Variants in FRMD4A observed in about 807,000 individuals in gnomAD.
FRMD4A encodes FERM domain-containing protein 4A.
FRMD4A carries 29 observed loss-of-function variants against 129.1 expected under a neutral mutation model. The ratio of observed to expected loss-of-function variants is 0.22; its 90% confidence interval spans 0.17 to 0.31. The LOEUF is 0.31. Among genes scored for constraint, FRMD4A ranks in the 10% least tolerant of loss-of-function variants. The pLI, the probability that FRMD4A is intolerant of heterozygous loss-of-function variation, is 1.00. For synonymous variants in FRMD4A, 634 were observed against 571.6 expected (o/e 1.11, Z -1.56); for missense variants, 1,272 against 1,375.8 (o/e 0.92, Z 1.19).
chr10:13,853,346 A>G (rs1183900682), intron 3 of FRMD4A, among the ~76,000 whole-genome samples: 1 of 152,210 alleles, frequency 6.6e-6, no homozygotes, highest in Non-Finnish European at 1.5e-5. Context: ...CTGGAGTTGG[A>G]GACCAGCCTG....
chr10:13,756,490 T>A (rs2091867570), intron 8 of FRMD4A, among the ~76,000 whole-genome samples: 2 of 152,162 alleles, frequency 1.3e-5, no homozygotes, highest in Admixed American at 1.3e-4. Context: ...GCCTCCCAAG[T>A]AGCTGGGACT....
intron 2 of FRMD4A, among the ~76,000 whole-genome samples, chr10:14,198,972 T>C (rs1842551795): frequency 6.6e-6 from 1 of 152,224 alleles, no homozygotes; most frequent in Admixed American, 6.5e-5. Flanking sequence ...TTTAAATGCT[T>C]AGTACATGAT....
intron 2 of FRMD4A, among the ~76,000 whole-genome samples, chr10:14,189,325 G>C (rs1409044912): frequency 6.6e-6 from 1 of 152,170 alleles, no homozygotes; most frequent in African/African-American, 2.4e-5. Flanking sequence ...TGTAATCCCA[G>C]CACTTTGGGA....
In FRMD4A at chr10:14,145,760, G is replaced by A. The variant is rs1295431348; in HGVS notation, c.45+184298C>T. ...TTGTGCTGCCTAGACCCAGAAGACA[G>A]GATCTTAATTTCTCACTATGCTGCC... On this transcript the variant is annotated intron_variant, in intron 2 of 24. Transcript: ENST00000357447. Among the ~76,000 whole-genome samples the A allele has an allele frequency of 3.3e-5, 5 of 152,140 alleles. 1 individual carries two copies. The highest frequency in any genetic ancestry group is 4.4e-5 in the Non-Finnish European group (3 of 68,030).
chr10:13,784,039 C>T (rs1170957044), intron 5 of FRMD4A, among the ~76,000 whole-genome samples: 3 of 152,076 alleles, frequency 2.0e-5, no homozygotes, highest in Non-Finnish European at 4.4e-5. Context: ...TGAAATGCAA[C>T]ATCTTGGAGG....
At chr10:14,145,463 T>C (rs909408929) in intron 2 of FRMD4A, among the ~76,000 whole-genome samples, 5 of 152,220 alleles carry the variant, frequency 3.3e-5, no homozygotes, top group African/African-American at 1.2e-4. Context: ...TGACCGCATA[T>C]GTCCAGAAGA....
intron 2 of FRMD4A, among the ~76,000 whole-genome samples, chr10:14,269,951 G>A (rs1361960782): frequency 6.6e-6 from 1 of 152,196 alleles, no homozygotes; most frequent in Non-Finnish European, 1.5e-5. Flanking sequence ...TGTCCTCAGT[G>A]GGGCCCAGAT....
At chr10:13,800,226 G>A (rs191904975) in intron 4 of FRMD4A, among the ~76,000 whole-genome samples, 6 of 152,018 alleles carry the variant, frequency 3.9e-5, no homozygotes, top group Admixed American at 3.9e-4. Flanking sequence ...ATCTCTCAAC[G>A]ATCAGTTTTC....
intron 6 of FRMD4A, among the ~76,000 whole-genome samples, chr10:13,778,599 G>GTA (rs2092658951): frequency 7.6e-5 from 1 of 13,180 alleles, no homozygotes; most frequent in Non-Finnish European, 3.4e-4. Flanking sequence ...CCATTCCAAC[G>GTA]TGTGTGTGTG....
chr10:13,733,858 A>G (rs1262332797), intron 12 of FRMD4A, among the ~76,000 whole-genome samples: 2 of 152,226 alleles, frequency 1.3e-5, no homozygotes, highest in Admixed American at 6.5e-5. Context: ...TGATTGGGAA[A>G]TGAACTCTTC....
intron 8 of FRMD4A, among the ~76,000 whole-genome samples, chr10:13,750,149 A>AAAGAAAGAAAGAAAGAAAGG (rs1564739697): frequency 6.7e-6 from 1 of 148,854 alleles, no homozygotes; most frequent in East Asian, 2.0e-4. Context: ...AGAAAGAAAG[A>AAAGAAAGAAAGAAAGAAAGG]AAAGAGAGAA....
intron 24 of FRMD4A, among the ~76,000 whole-genome samples, chr10:13,648,402 G>A (rs538754711): frequency 3.9e-5 from 6 of 152,222 alleles, no homozygotes; most frequent in South Asian, 2.1e-4. Context: ...GGCCTTGCAG[G>A]GGTCCTATGT....
intron 15 of FRMD4A, among the ~76,000 whole-genome samples, chr10:13,683,505 G>A (rs1366509722): frequency 6.6e-6 from 1 of 152,010 alleles, no homozygotes; most frequent in Non-Finnish European, 1.5e-5. Context: ...GCTGAGGCAG[G>A]AAGATCCCTT....
rs1319775314 is a variant in FRMD4A at position 13,644,519 on chromosome 10, TTC to T, written c.*2517_*2518del. The T allele has an allele frequency of 3.9e-5, 6 of 152,338 alleles. No individual in the cohort carries two copies. The highest frequency in any genetic ancestry group is 3.9e-4 in the East Asian group (2 of 5,188). 9.4% of individuals were successfully genotyped at this position (152,338 alleles called of 1,614,324 possible). A position where few individuals can be genotyped will look rare whatever the true frequency, so the allele number is the denominator to read the frequency against. ...TGGAACTGTAATTCCTGCTCTCCAT[TTC>T]TCTCTGTCCCCCAAGTTGAAAATAT... is the stretch of plus-strand genomic sequence containing the variant. On this transcript the variant is annotated 3_prime_UTR_variant, in exon 25 of 25. Transcript: ENST00000357447.
At chr10:13,963,712 C>T (rs148291044) in intron 2 of FRMD4A, among the ~76,000 whole-genome samples, 19 of 152,272 alleles carry the variant, frequency 1.2e-4, no homozygotes, top group Admixed American at 5.9e-4. Flanking sequence ...ACACACAAAG[C>T]GTTCTACGTA....
At chr10:14,007,935 A>G in intron 2 of FRMD4A, 2 of 1,135,214 alleles carry the variant, frequency 1.8e-6, no homozygotes, top group African/African-American at 1.6e-5. Context: ...ATAGTATTCT[A>G]CAGTCCCAGG....
chr10:14,243,689 T>A (rs1215164134), intron 2 of FRMD4A, among the ~76,000 whole-genome samples: 1 of 150,852 alleles, frequency 6.6e-6, no homozygotes, highest in Non-Finnish European at 1.5e-5. Flanking sequence ...GGATACAGAG[T>A]TTCAATTTCA....
At chr10:13,805,631 TG>T (rs2093345411) in intron 4 of FRMD4A, among the ~76,000 whole-genome samples, 1 of 152,226 alleles carries the variant, frequency 6.6e-6, no homozygotes, top group African/African-American at 2.4e-5. Flanking sequence ...CTATAGCTTC[TG>T]ATAACGGGAT....
intron 8 of FRMD4A, among the ~76,000 whole-genome samples, chr10:13,748,971 A>G (rs575887859): frequency 1.3e-5 from 2 of 152,322 alleles, no homozygotes; most frequent in African/African-American, 4.8e-5. Context: ...GGTTTGGAAG[A>G]TGCTTTAAAC....
Sources: gnomAD v4.1 joint callset for allele counts (sites outside exome capture counted in the v4.1 genomes callset) on GRCh38, gnomAD v4.1.1 for gene constraint, MANE v1.5 for transcripts, NCBI Gene and HGNC (gene_info 2026-07-23, HGNC 2026-07-21) for gene names.